The following PAK1 variants were observed in gnomAD, a reference collection of about 807,000 sequenced individuals.
PAK1 encodes serine/threonine-protein kinase PAK 1.
In PAK1, 29 loss-of-function variants were observed where a neutral mutation model predicts 67.4. The observed-to-expected ratio is 0.43, with a 90% CI of 0.32 to 0.59. The LOEUF (loss-of-function observed/expected upper bound fraction) is 0.59. Ranked by LOEUF, PAK1 falls within the 20% of genes least tolerant of loss-of-function variation. The pLI is 0.07. For missense variants in PAK1, 337 were observed against 670.7 expected (o/e 0.50, Z 5.50); for synonymous variants, 223 against 237.4 (o/e 0.94, Z 0.56).
intron 1 of PAK1, among the ~76,000 whole-genome samples, chr11:77,467,449 A>G (rs1957651046): frequency 6.6e-6 from 1 of 152,236 alleles, no homozygotes. Flanking sequence ...CTGATGCATA[A>G]TATGTATTTA....
chr11:77,382,722 G>T (rs990139755), intron 2 of PAK1, among the ~76,000 whole-genome samples: 1 of 152,190 alleles, frequency 6.6e-6, no homozygotes, highest in Non-Finnish European at 1.5e-5. Context: ...GAATGGCCGG[G>T]CACGGTGGCT....
chr11:77,504,032 T>C, the PAK1 span, among the ~76,000 whole-genome samples: 106,871 of 151,820 alleles, frequency 0.7, 37,995 homozygotes, highest in East Asian at 0.93. Flanking sequence ...GCGGGGATTA[T>C]AGTCACCCAC....
the PAK1 span, among the ~76,000 whole-genome samples, chr11:77,510,670 G>C: frequency 6.6e-6 from 1 of 152,170 alleles, no homozygotes; most frequent in Non-Finnish European, 1.5e-5. Flanking sequence ...TGATAATTTG[G>C]AAGTTTCTTT....
chr11:77,397,516 G>A (rs1951992075), intron 1 of PAK1, among the ~76,000 whole-genome samples: 1 of 152,186 alleles, frequency 6.6e-6, no homozygotes, highest in Non-Finnish European at 1.5e-5. Flanking sequence ...CCAAGGAGGG[G>A]AAGTGATTTG....
chr11:77,500,843 CA>C, the PAK1 span, among the ~76,000 whole-genome samples: 17 of 149,746 alleles, frequency 1.1e-4, no homozygotes, highest in Non-Finnish European at 1.9e-4. Flanking sequence ...GACACTGTTT[CA>C]AAAAAAAAAT....
the PAK1 span, among the ~76,000 whole-genome samples, chr11:77,525,627 C>T: frequency 6.6e-6 from 1 of 152,208 alleles, no homozygotes; most frequent in South Asian, 2.1e-4. Flanking sequence ...AACCTTTCAG[C>T]AGCTTGGACC....
chr11:77,345,528 T>G (rs542519720), intron 9 of PAK1, among the ~76,000 whole-genome samples: 1 of 152,358 alleles, frequency 6.6e-6, no homozygotes, highest in East Asian at 1.9e-4. Context: ...CAAACTTTTA[T>G]GTGACAAATC....
chr11:77,372,494 A>T (rs1170376470), intron 5 of PAK1, among the ~76,000 whole-genome samples: 1 of 152,206 alleles, frequency 6.6e-6, no homozygotes, highest in African/African-American at 2.4e-5. Context: ...ATTGTTTTTT[A>T]TAATCAATAT....
chr11:77,378,345 T>C (rs1485733298), intron 4 of PAK1, among the ~76,000 whole-genome samples: 1 of 152,190 alleles, frequency 6.6e-6, no homozygotes, highest in African/African-American at 2.4e-5. Context: ...CCAATTCTGC[T>C]ATTAAAAACA....
chr11:77,454,996 C>T (rs1208291014), intron 1 of PAK1, among the ~76,000 whole-genome samples: 2 of 152,160 alleles, frequency 1.3e-5, no homozygotes, highest in East Asian at 3.8e-4. Context: ...CTTTCTCTCT[C>T]TCTCTCTGTC....
At chr11:77,366,455 T>G (rs1947597769) in intron 5 of PAK1, among the ~76,000 whole-genome samples, 1 of 152,166 alleles carries the variant, frequency 6.6e-6, no homozygotes, top group African/African-American at 2.4e-5. Context: ...TACACATTCA[T>G]GTATATGAAA....
intron 5 of PAK1, among the ~76,000 whole-genome samples, chr11:77,373,197 A>G (rs1948659538): frequency 6.6e-6 from 1 of 152,176 alleles, no homozygotes; most frequent in Non-Finnish European, 1.5e-5. Context: ...TAGTAAATCA[A>G]TATGGCATAA....
At chr11:77,360,710 C>G (rs1323521356) in intron 5 of PAK1, among the ~76,000 whole-genome samples, 2 of 152,148 alleles carry the variant, frequency 1.3e-5, no homozygotes, top group African/African-American at 4.8e-5. Flanking sequence ...TAACATCTGT[C>G]AGAGAGAGAA....
At chr11:77,423,714 T>C (rs936811548) in intron 1 of PAK1, among the ~76,000 whole-genome samples, 2 of 152,226 alleles carry the variant, frequency 1.3e-5, no homozygotes, top group African/African-American at 4.8e-5. Flanking sequence ...GTAAATATTT[T>C]AGGCTTTGCA....
At chr11:77,443,305 TAAA>T (rs11330130) in intron 1 of PAK1, among the ~76,000 whole-genome samples, 18 of 126,908 alleles carry the variant, frequency 1.4e-4, no homozygotes, top group Non-Finnish European at 1.5e-4. Context: ...CTCCGTCTCT[TAAA>T]AAAAAAAAAA....
At chr11:77,489,648 A>T in the PAK1 span, among the ~76,000 whole-genome samples, 1 of 151,666 alleles carries the variant, frequency 6.6e-6, no homozygotes, top group Admixed American at 6.5e-5. Context: ...ACGGGGTTTC[A>T]CTGTGTTGGC....
chr11:77,520,014 G>A, the PAK1 span, among the ~76,000 whole-genome samples: 30 of 122,224 alleles, frequency 2.5e-4, no homozygotes, highest in African/African-American at 8.1e-4. Flanking sequence ...CCCCCCCTCC[G>A]CCCGTGGCTC....
At chr11:77,467,014 C>G (rs911659325) in intron 1 of PAK1, among the ~76,000 whole-genome samples, 1 of 152,136 alleles carries the variant, frequency 6.6e-6, no homozygotes, top group African/African-American at 2.4e-5. Context: ...CTGGGCCCTG[C>G]CTCCTCTCTG....
At chr11:77,370,630 G>A (rs1046190730) in intron 5 of PAK1, among the ~76,000 whole-genome samples, 11 of 152,068 alleles carry the variant, frequency 7.2e-5, no homozygotes, top group African/African-American at 2.7e-4. Flanking sequence ...TGATCAATCT[G>A]ACCTTTTCTG....
Sources: allele counts gnomAD v4.1 joint callset (sites outside exome capture counted in the v4.1 genomes callset), GRCh38; gene constraint gnomAD v4.1.1; transcripts MANE v1.5; gene names NCBI Gene and HGNC (gene_info 2026-07-23, HGNC 2026-07-21).